Variants in MAP3K20 observed in about 807,000 individuals in gnomAD.
The protein encoded by MAP3K20 is HCCS-4.
In MAP3K20, 40 loss-of-function variants were observed where a neutral mutation model predicts 85.7. The ratio of observed to expected loss-of-function variants is 0.47; its 90% CI spans 0.36 to 0.61. MAP3K20 has a LOEUF of 0.61. Among genes scored for constraint, MAP3K20 ranks in the 20% least tolerant of loss-of-function variants. The pLI is 0.00. For missense variants in MAP3K20, 817 were observed against 961.7 expected (o/e 0.85, Z 1.99); for synonymous variants, 325 against 327.7 (o/e 0.99, Z 0.09).
chr2:173,212,180 T>C (rs911128872), intron 10 of MAP3K20: 3 of 152,222 alleles, frequency 2.0e-5, no homozygotes, highest in Non-Finnish European at 4.4e-5. Flanking sequence ...ATTCATTCAT[T>C]ATCCATTCAT....
rs775139645 is a variant in MAP3K20, at chr2:173,220,402, G to A, written c.987+3152G>A. ...AAGAAGAAAACTTGAATATTAGAGC[G>A]TATTAGAACAATCTAAATTAACACT... On this transcript the variant is annotated intron_variant, in intron 11 of 19. Transcript: ENST00000375213. Among the ~76,000 whole-genome samples the A allele has an allele frequency of 1.2e-4, 19 of 152,278 alleles. No homozygotes were observed. In the East Asian group the frequency reaches 1.7e-3, roughly 14 times the overall value.
chr2:173,202,960 G>A (rs1394839191), intron 8 of MAP3K20, among the ~76,000 whole-genome samples: 1 of 152,154 alleles, frequency 6.6e-6, no homozygotes, highest in African/African-American at 2.4e-5. Context: ...TAGATTCTAG[G>A]CCCAGAAAAT....
intron 16 of MAP3K20, 105 bp from the exon 17 acceptor site, chr2:173,258,594 T>A: frequency 4.9e-6 from 3 of 611,002 alleles, no homozygotes; most frequent in Non-Finnish European, 5.6e-6. Flanking sequence ...AAAAAGCCAC[T>A]CCAATAATAC....
At chr2:173,109,644 A>G (rs1687885072) in intron 2 of MAP3K20, among the ~76,000 whole-genome samples, 1 of 152,144 alleles carries the variant, frequency 6.6e-6, no homozygotes, top group Non-Finnish European at 1.5e-5. Context: ...AGAGAGGGAG[A>G]TAGATTCCCC....
chr2:173,215,525 G>A (rs1322568538), intron 10 of MAP3K20: 6 of 152,068 alleles, frequency 3.9e-5, no homozygotes, highest in Non-Finnish European at 8.8e-5. Flanking sequence ...CCTTCTTTAG[G>A]GACAGTAATG....
chr2:173,195,518 A>G (rs909868280), intron 7 of MAP3K20, among the ~76,000 whole-genome samples: 11 of 152,248 alleles, frequency 7.2e-5, no homozygotes, highest in African/African-American at 2.7e-4. Context: ...GTGAAAGATC[A>G]CAATAATATT....
intron 2 of MAP3K20, among the ~76,000 whole-genome samples, chr2:173,097,949 T>C (rs1014721642): frequency 6.6e-5 from 10 of 152,204 alleles, no homozygotes; most frequent in Non-Finnish European, 1.3e-4. Context: ...TATTAGCTCA[T>C]GGGAGGGAGA....
chr2:173,163,402 C>T (rs1179901785), intron 2 of MAP3K20, among the ~76,000 whole-genome samples: 1 of 152,212 alleles, frequency 6.6e-6, no homozygotes, highest in Non-Finnish European at 1.5e-5. Flanking sequence ...CCTGCCTTTG[C>T]TCACTTAGGA....
chr2:173,225,816 G>A (rs1299813913), intron 11 of MAP3K20: 2 of 984,524 alleles, frequency 2.0e-6, no homozygotes, highest in South Asian at 9.4e-5. Flanking sequence ...CCTAAAAATG[G>A]TTTCTTTCTC....
intron 2 of MAP3K20, among the ~76,000 whole-genome samples, chr2:173,143,886 TA>T (rs201347842): frequency 0.03 from 4,615 of 151,818 alleles, 110 homozygotes; most frequent in Middle Eastern, 0.068. Context: ...AAAGACAATG[TA>T]AAAAAAAATT....
In MAP3K20 at chr2:173,266,176, C is replaced by T. The variant is rs769862837; in HGVS notation, c.1829C>T (p.Ser610Phe). 3.7e-6 allele frequency: 6 copies of T among 1,614,066 alleles called. No homozygotes were observed. Among genetic ancestry groups the T allele is most frequent in the Non-Finnish European group, 4.2e-6 (5 of 1,179,998 alleles). Residue 610 changes from serine (S) to phenylalanine (F), a missense_variant, in exon 20 of 20, where the codon TCC becomes TTC. Ser to Phe is a radical substitution (Grantham distance 155). Coordinates refer to ENST00000375213, the MANE Select transcript of MAP3K20 (RefSeq NM_016653.3). ...TTCTCACACTTTGATGGCCAGGATTCCTACGCTGCTGCTGTGAGACGGCCC... is the reference window on the plus strand; with the variant it reads ...TTCTCACACTTTGATGGCCAGGATTTCTACGCTGCTGCTGTGAGACGGCCC... ...PFFSHFDGQD[S>F]YAAAVRRPQV...
intron 11 of MAP3K20, chr2:173,226,790 G>A (rs965955821): frequency 6.1e-6 from 6 of 984,048 alleles, no homozygotes; most frequent in Middle Eastern, 5.2e-4. Context: ...TAAAATTTTT[G>A]TACTAAATAA....
chr2:173,232,662 C>T (rs1416762542), intron 14 of MAP3K20, among the ~76,000 whole-genome samples: 1 of 152,166 alleles, frequency 6.6e-6, no homozygotes, highest in African/African-American at 2.4e-5. Flanking sequence ...TGCCACCACA[C>T]CCAGCTAATT....
chr2:173,131,923 A>G (rs967835219), intron 2 of MAP3K20, among the ~76,000 whole-genome samples: 4 of 152,116 alleles, frequency 2.6e-5, no homozygotes, highest in Non-Finnish European at 5.9e-5. Context: ...TGATTCTTTG[A>G]TTTTCTAGAG....
At chr2:173,217,038 T>C in intron 10 of MAP3K20, 77 bp from the exon 11 acceptor site, 1 of 1,305,824 alleles carries the variant, frequency 7.7e-7, no homozygotes, top group Non-Finnish European at 9.9e-7. Flanking sequence ...TTACTTTGAT[T>C]AGCATTCTGA....
intron 2 of MAP3K20, among the ~76,000 whole-genome samples, chr2:173,108,979 G>A (rs547485858): frequency 6.6e-6 from 1 of 152,248 alleles, no homozygotes; most frequent in South Asian, 2.1e-4. Context: ...CCTCTGTTGA[G>A]TTTTCAATCA....
At chr2:173,195,845 A>G (rs994788150) in intron 7 of MAP3K20, among the ~76,000 whole-genome samples, 1 of 152,194 alleles carries the variant, frequency 6.6e-6, no homozygotes, top group African/African-American at 2.4e-5. Context: ...CAGCTGTAGT[A>G]GCTCTTCAGA....
At chr2:173,223,649 C>T (rs751887525) in intron 11 of MAP3K20, 3 of 985,316 alleles carry the variant, frequency 3.0e-6, no homozygotes, top group East Asian at 1.1e-4. Context: ...TGAGCCCTGG[C>T]CAGCTTAACC....
chr2:173,204,796 CATA>C (rs1683611585), intron 9 of MAP3K20, among the ~76,000 whole-genome samples: 1 of 151,958 alleles, frequency 6.6e-6, no homozygotes, highest in East Asian at 1.9e-4. Flanking sequence ...TGGAATTTTC[CATA>C]ATGAGTTAAA....
Sources: gnomAD v4.1 joint callset for allele counts (sites outside exome capture counted in the v4.1 genomes callset) on GRCh38, gnomAD v4.1.1 for gene constraint, MANE v1.5 for transcripts, NCBI Gene and HGNC (gene_info 2026-07-23, HGNC 2026-07-21) for gene names.